The following MINDY2 variants were observed in gnomAD, a reference collection of about 807,000 sequenced individuals.
MINDY2 encodes the protein ubiquitin carboxyl-terminal hydrolase MINDY-2.
In MINDY2, 52 loss-of-function variants were observed where a neutral mutation model predicts 68.2. The ratio of observed to expected loss-of-function variants is 0.76; its 90% CI spans 0.61 to 0.96. The LOEUF (loss-of-function observed/expected upper bound fraction) is 0.96, where lower values mean the gene tolerates loss of function less well. MINDY2 is among the 40% of genes least tolerant of loss of function. The pLI, the probability that MINDY2 is intolerant of heterozygous loss-of-function variation, is 0.00. For synonymous variants in MINDY2, 372 were observed against 303.0 expected, an observed-to-expected ratio of 1.23 and a Z score of -2.36; for missense variants, 881 against 773.4, an observed-to-expected ratio of 1.14 and a Z score of -1.65.
intron 5 of MINDY2, among the ~76,000 whole-genome samples, chr15:58,824,456 C>T (rs1431280588): frequency 6.6e-6 from 1 of 151,946 alleles, no homozygotes; most frequent in African/African-American, 2.4e-5. Flanking sequence ...TACCATATTT[C>T]CATATTAAAG....
chr15:58,830,011 A>C (rs2031627009), intron 5 of MINDY2, among the ~76,000 whole-genome samples: 1 of 152,208 alleles, frequency 6.6e-6, no homozygotes, highest in Non-Finnish European at 1.5e-5. Flanking sequence ...ATCACTTATG[A>C]AACTTTTTAG....
chr15:58,813,678 T>C (rs2030463462), intron 4 of MINDY2, among the ~76,000 whole-genome samples: 1 of 151,686 alleles, frequency 6.6e-6, no homozygotes, highest in Non-Finnish European at 1.5e-5. Flanking sequence ...GCTCAAGTGA[T>C]CCTCTTGCCG....
At chr15:58,797,966 G>C (rs533561889) in intron 2 of MINDY2, among the ~76,000 whole-genome samples, 1 of 152,272 alleles carries the variant, frequency 6.6e-6, no homozygotes, top group Admixed American at 6.5e-5. Context: ...GTTCAGAGGG[G>C]TTAATGTGCT....
At position 58,772,002 on chromosome 15, in the gene MINDY2, G is replaced by C. The variant is rs1159784462; in HGVS notation, c.607G>C (p.Glu203Gln). ...SEEGAENRVPEEEEGAAVLPG... is the reference protein window; with the variant it reads ...SEEGAENRVPQEEEGAAVLPG... ...GGAGGGAGCGGAGAACAGGGTCCCT[G>C]AGGAGGAGGAGGGCGCGGCGGTGTT... The change falls in exon 1 of 9, where the codon GAG becomes CAG. Residue 203 changes from glutamate to glutamine, a missense_variant. Transcript: ENST00000559228. 4 of 1,588,088 alleles carry C rather than the reference G, an allele frequency of 2.5e-6. No individual in the cohort carries two copies. The African/African-American group carries it at 4.0e-5, about 16-fold the overall frequency.
intron 2 of MINDY2, among the ~76,000 whole-genome samples, chr15:58,792,386 T>G (rs1290796888): frequency 6.6e-6 from 1 of 152,156 alleles, no homozygotes; most frequent in Non-Finnish European, 1.5e-5. Context: ...GGCAGGTGGA[T>G]CACAATGTCA....
intron 6 of MINDY2, among the ~76,000 whole-genome samples, chr15:58,833,840 C>A (rs1478884810): frequency 6.6e-6 from 1 of 151,936 alleles, no homozygotes; most frequent in African/African-American, 2.4e-5. Context: ...AAGAGGCGTT[C>A]CTTCCTCTTT....
chr15:58,821,021 T>G (rs2031027801), intron 4 of MINDY2, among the ~76,000 whole-genome samples: 4 of 151,414 alleles, frequency 2.6e-5, no homozygotes, highest in Admixed American at 2.6e-4. Context: ...CTCTTTTTCT[T>G]CTATAGTCAA....
intron 8 of MINDY2, among the ~76,000 whole-genome samples, chr15:58,854,226 G>A (rs1011116527): frequency 8.0e-5 from 12 of 150,874 alleles, no homozygotes; most frequent in African/African-American, 2.7e-4. Context: ...CCTGGGCGAC[G>A]GTGCAAGACT....
intron 6 of MINDY2, among the ~76,000 whole-genome samples, chr15:58,840,236 T>C (rs1361438894): frequency 6.6e-6 from 1 of 152,234 alleles, no homozygotes; most frequent in African/African-American, 2.4e-5. Context: ...TCTACCACAC[T>C]TCCGAACGAA....
chr15:58,815,633 C>T (rs2030631860), intron 4 of MINDY2: 1 of 152,100 alleles, frequency 6.6e-6, no homozygotes, highest in Admixed American at 6.6e-5. Flanking sequence ...CAGGCATGAG[C>T]CACTGTGCTT....
intron 6 of MINDY2, among the ~76,000 whole-genome samples, chr15:58,845,602 T>C (rs904720462): frequency 6.2e-4 from 94 of 152,318 alleles, no homozygotes; most frequent in African/African-American, 2.0e-3. Context: ...TTGATGGGAA[T>C]ATAAATGAGT....
At chr15:58,803,927 T>G (rs1595729498) in intron 3 of MINDY2, among the ~76,000 whole-genome samples, 2 of 117,908 alleles carry the variant, frequency 1.7e-5, no homozygotes, top group African/African-American at 3.4e-5. Context: ...GCTAACATGG[T>G]GAAACCCCAG....
chr15:58,810,364 C>T lies in MINDY2; in HGVS notation c.1098C>T (p.Tyr366=). ...TTGATCTTCTTGATATTCCTTTGTA[C>T]CATGGGTGGTTAGTAGACCCTCAGG... ...IVFDLLDIPL[Y]HGWLVDPQID... The change falls in exon 4 of 9, where the codon TAC becomes TAT. Residue 366 remains tyrosine, a synonymous_variant. Transcript: ENST00000559228. 6.2e-7 allele frequency: 1 copy of T among 1,604,060 alleles called. No individual in the cohort carries two copies. Among genetic ancestry groups the T allele is most frequent in the Non-Finnish European group, 8.5e-7 (1 of 1,175,990 alleles).
chr15:58,852,946 TTTTTTTTTTTTTTTTTTTTTTTTTAAG>T (rs2032901708), intron 8 of MINDY2, among the ~76,000 whole-genome samples: 1 of 43,680 alleles, frequency 2.3e-5, no homozygotes, highest in Admixed American at 2.7e-4. Flanking sequence ...TTTTTTTTTT[TTTTTTTTTTTTTTTTTTTTTTTTTAAG>T]ACAGAGTCTC....
Position 58,824,173 on chromosome 15 carries a change from A to G in MINDY2, c.1225+2354A>G, listed in dbSNP as rs73428543. Among the ~76,000 whole-genome samples the G allele has an allele frequency of 9.2e-3, 1,396 of 152,352 alleles. 20 individuals carry two copies. The highest frequency in any genetic ancestry group is 0.031 in the African/African-American group (1,302 of 41,580). On this transcript the variant is annotated intron_variant, in intron 5 of 8. Coordinates refer to ENST00000559228, the MANE Select transcript of MINDY2 (RefSeq NM_001040450.3). ...TACAGTAAGGGTAGGACTTAGTACTATAATAATTAACAAAATGAACAAAAA... is the reference window on the plus strand; with the variant it reads ...TACAGTAAGGGTAGGACTTAGTACTGTAATAATTAACAAAATGAACAAAAA...
intron 1 of MINDY2, among the ~76,000 whole-genome samples, chr15:58,783,495 T>A (rs1901290729): frequency 6.6e-6 from 1 of 152,216 alleles, no homozygotes. Flanking sequence ...ATCATAGGTG[T>A]CAAAACCTTG....
Position 58,793,673 on chromosome 15 carries a change from A to C in MINDY2, c.898+5710A>C, listed in dbSNP as rs140829555. Among the ~76,000 whole-genome samples, 835 of 152,294 alleles carry C rather than the reference A, an allele frequency of 5.5e-3. 5 individuals are homozygous for C. Among genetic ancestry groups the C allele is most frequent in the African/African-American group, 0.019 (801 of 41,566 alleles). On this transcript the variant is annotated intron_variant, in intron 2 of 8. Transcript: ENST00000559228. ...ACAAATAGAAAAATTAGCCTTAGAT[A>C]GTTCATCCATGGTAATAGGAGGAAA...
chr15:58,814,597 T>C (rs1413278928), intron 4 of MINDY2, among the ~76,000 whole-genome samples: 1 of 139,880 alleles, frequency 7.1e-6, no homozygotes, highest in Admixed American at 7.3e-5. Flanking sequence ...CAGGCTGGTC[T>C]CGAACTCCTG....
Position 58,854,977 on chromosome 15 carries a change from G to C in MINDY2, c.*367G>C, listed in dbSNP as rs1012815372. ...ACAATGAATGGAGGTAATTGATTTA[G>C]TCTGATTCCTTCCTGAAATCTAAAT... On this transcript the variant is annotated 3_prime_UTR_variant, in exon 9 of 9. Transcript: ENST00000559228. 7 of 154,778 alleles carry C rather than the reference G, an allele frequency of 4.5e-5. No individual in the cohort carries two copies. The highest frequency in any genetic ancestry group is 1.7e-4 in the African/African-American group (7 of 41,496). The allele number at this position is 154,778 out of a possible 1,614,324, so 9.6% of individuals were successfully genotyped here. A position where few individuals can be genotyped will look rare whatever the true frequency, so the allele number is the denominator to read the frequency against.
Sources: allele counts gnomAD v4.1 joint callset (sites outside exome capture counted in the v4.1 genomes callset), GRCh38; gene constraint gnomAD v4.1.1; transcripts MANE v1.5; gene names NCBI Gene and HGNC (gene_info 2026-07-23, HGNC 2026-07-21).